FRMPD4: variants seen among roughly 807,000 people sequenced by gnomAD.
The protein encoded by FRMPD4 is FERM and PDZ domain containing 4.
In FRMPD4, 22 loss-of-function variants were observed where a neutral mutation model predicts 94.1. The observed-to-expected ratio is 0.23, with a 90% confidence interval of 0.17 to 0.33. The LOEUF (loss-of-function observed/expected upper bound fraction) is 0.33. Ranked by LOEUF, FRMPD4 falls within the 10% of genes least tolerant of loss-of-function variation. FRMPD4 has a pLI of 1.00. For missense variants in FRMPD4, 1,111 were observed against 1,339.9 expected (o/e 0.83, Z 2.67); for synonymous variants, 631 against 548.6 (o/e 1.15, Z -2.10).
chrX:12,113,494 G>A (rs763204674), intron 3 of FRMPD4, among the ~76,000 whole-genome samples: 1 of 111,352 alleles, frequency 9.0e-6, no homozygotes, highest in Admixed American at 9.6e-5. Flanking sequence ...TTGGTTCATG[G>A]CTCTGCATCA....
chrX:11,917,892 A>G (rs934174844), intron 3 of FRMPD4, among the ~76,000 whole-genome samples: 2 of 111,031 alleles, frequency 1.8e-5, no homozygotes, highest in African/African-American at 6.6e-5. Flanking sequence ...AATCTAAAAA[A>G]AAAAAAAAAA....
chrX:12,178,934 AC>A (rs1278805908), intron 1 of FRMPD4, among the ~76,000 whole-genome samples: 1 of 110,352 alleles, frequency 9.1e-6, no homozygotes, highest in Non-Finnish European at 1.9e-5. Flanking sequence ...ACATCAAACC[AC>A]CCTAAAACTT....
At chrX:12,547,996 C>G (rs5934021) in intron 2 of FRMPD4, among the ~76,000 whole-genome samples, 24 of 110,922 alleles carry the variant, frequency 2.2e-4, no homozygotes, top group African/African-American at 6.9e-4. Context: ...TAGAAGGCTC[C>G]CGTATAAGTA....
intron 3 of FRMPD4, among the ~76,000 whole-genome samples, chrX:11,989,968 GA>G: frequency 9.0e-6 from 1 of 111,211 alleles, no homozygotes; most frequent in Admixed American, 9.5e-5. Context: ...GTATGTACCC[GA>G]AAAAACTAAA....
rs143423231 is a variant in FRMPD4, at chrX:12,718,205, G to A, written c.3379G>A (p.Glu1127Lys). ...TTCTGGTCTTGGGGCAAGGGAGGCC[G>A]AAGGGAAGGAAGAAGGAGCTCCTGA... ...RASGLGAREAEGKEEGAPDGE... is the reference protein window; with the variant it reads ...RASGLGAREAKGKEEGAPDGE... The change falls in exon 16 of 17, where the codon GAA (glutamate) becomes AAA (lysine). Residue 1127 changes from glutamate (E) to lysine (K), a missense_variant. This residue lies in a region of FRMPD4 where 551 missense variants were observed against 591.6 expected (regional missense o/e 0.93). Coordinates refer to ENST00000675598, the MANE Select transcript of FRMPD4 (RefSeq NM_001368397.1). The A allele has an allele frequency of 4.3e-4, 521 of 1,209,310 alleles. 4 individuals are homozygous for A. In the East Asian group the frequency reaches 0.014, roughly 32 times the overall value.
At chrX:12,082,183 G>C (rs766258943) in intron 3 of FRMPD4, among the ~76,000 whole-genome samples, 1 of 111,701 alleles carries the variant, frequency 9.0e-6, no homozygotes, top group East Asian at 2.8e-4. Flanking sequence ...GTTTGGCTGT[G>C]TCATGACCCA....
At chrX:12,632,783 A>G (rs1330571991) in intron 4 of FRMPD4, among the ~76,000 whole-genome samples, 2 of 112,149 alleles carry the variant, frequency 1.8e-5, no homozygotes, top group African/African-American at 6.5e-5. Context: ...ATACTAAGGC[A>G]GTAGAGTTTA....
intron 2 of FRMPD4, among the ~76,000 whole-genome samples, chrX:11,869,021 T>C (rs2053740576): frequency 9.0e-6 from 1 of 111,613 alleles, no homozygotes; most frequent in African/African-American, 3.2e-5. Context: ...TTTTTTTTTG[T>C]TTCTAAAATG....
intron 4 of FRMPD4, among the ~76,000 whole-genome samples, chrX:12,627,724 C>T (rs1406801936): frequency 1.8e-5 from 2 of 112,304 alleles, no homozygotes; most frequent in Non-Finnish European, 3.8e-5. Flanking sequence ...CTCTTCACTA[C>T]TCTAGATGCT....
At chrX:12,638,598 A>T (rs746311810) in intron 4 of FRMPD4, among the ~76,000 whole-genome samples, 27 of 110,571 alleles carry the variant, frequency 2.4e-4, no homozygotes, top group Middle Eastern at 4.7e-3. Context: ...ATAATAGCTT[A>T]GTCCACCCAC....
At chrX:12,599,716 T>C (rs764856715) in intron 2 of FRMPD4, among the ~76,000 whole-genome samples, 2 of 112,013 alleles carry the variant, frequency 1.8e-5, no homozygotes, top group Admixed American at 1.9e-4. Context: ...TTTGAATATG[T>C]AAAACACCTT....
intron 2 of FRMPD4, among the ~76,000 whole-genome samples, chrX:12,516,027 T>C (rs767223668): frequency 3.4e-4 from 38 of 111,981 alleles, no homozygotes; most frequent in Non-Finnish European, 1.1e-4. Flanking sequence ...CAATCCCTGC[T>C]TTTTTCTGCT....
chrX:12,350,903 C>G (rs1049570106), intron 1 of FRMPD4, among the ~76,000 whole-genome samples: 1 of 112,532 alleles, frequency 8.9e-6, no homozygotes, highest in African/African-American at 3.2e-5. Context: ...TGGCCGGGCA[C>G]AGTGGCTCAC....
At chrX:12,153,002 C>T (rs1163127435) in intron 1 of FRMPD4, among the ~76,000 whole-genome samples, 4 of 103,329 alleles carry the variant, frequency 3.9e-5, no homozygotes, top group East Asian at 6.1e-4. Context: ...GGCGCAATCT[C>T]GGCTCACTGC....
intron 1 of FRMPD4, among the ~76,000 whole-genome samples, chrX:12,454,821 T>TTG (rs1426694729): frequency 9.3e-5 from 10 of 107,069 alleles, no homozygotes; most frequent in South Asian, 4.2e-4. Context: ...CCACGTTTTT[T>TTG]TTTTTTTTTT....
intron 1 of FRMPD4, among the ~76,000 whole-genome samples, chrX:12,496,937 G>A: frequency 9.0e-6 from 1 of 111,405 alleles, no homozygotes; most frequent in Non-Finnish European, 1.9e-5. Context: ...ACAGGAAAAT[G>A]TAGTTTATAA....
intron 1 of FRMPD4, among the ~76,000 whole-genome samples, chrX:12,409,430 AC>A (rs2056705836): frequency 8.9e-6 from 1 of 112,130 alleles, no homozygotes; most frequent in Non-Finnish European, 1.9e-5. Flanking sequence ...CCGCACTCTT[AC>A]TTTAGAGATC....
At chrX:11,913,560 G>T (rs2054007929) in intron 3 of FRMPD4, among the ~76,000 whole-genome samples, 2 of 111,642 alleles carry the variant, frequency 1.8e-5, no homozygotes, top group South Asian at 7.5e-4. Context: ...TTAAGATATT[G>T]GACTCTAACT....
intron 3 of FRMPD4, among the ~76,000 whole-genome samples, chrX:11,878,606 T>C (rs1279523505): frequency 8.9e-6 from 1 of 112,543 alleles, no homozygotes; most frequent in Non-Finnish European, 1.9e-5. Flanking sequence ...AGAACCATCA[T>C]AATTTTACAG....
Sources: allele counts gnomAD v4.1 joint callset (sites outside exome capture counted in the v4.1 genomes callset), GRCh38; gene constraint gnomAD v4.1.1; regional missense constraint gnomAD v4.1.1; transcripts MANE v1.5; gene names NCBI Gene and HGNC (gene_info 2026-07-23, HGNC 2026-07-21).